Variants in NAV1 observed in about 807,000 individuals in gnomAD.
The protein encoded by NAV1 is pore membrane and/or filament interacting like protein 3.
In NAV1, 18 loss-of-function variants were observed where a neutral mutation model predicts 175.2. The ratio of observed to expected loss-of-function variants is 0.10; its 90% confidence interval spans 0.07 to 0.15. The LOEUF (loss-of-function observed/expected upper bound fraction) is 0.15, where lower values mean the gene tolerates loss of function less well. Among genes scored for constraint, NAV1 ranks in the 10% least tolerant of loss-of-function variants. The pLI is 1.00. For missense variants in NAV1, 1,731 were observed against 2,436.6 expected, an observed-to-expected ratio of 0.71 and a Z score of 6.10; for synonymous variants, 897 against 978.7, an observed-to-expected ratio of 0.92 and a Z score of 1.56.
At chr1:201,657,525 C>A (rs1187326378) in intron 1 of NAV1, among the ~76,000 whole-genome samples, 1 of 152,186 alleles carries the variant, frequency 6.6e-6, no homozygotes, top group Non-Finnish European at 1.5e-5. Context: ...TTCTTTGGAA[C>A]AAGACCTGAT....
intron 7 of NAV1, 25 bp from the exon 12 acceptor site, chr1:201,785,282 CTTT>C (rs36061932): frequency 0.04 from 54,542 of 1,357,068 alleles, no homozygotes; most frequent in South Asian, 0.07. Flanking sequence ...CTCTCTCTCT[CTTT>C]TTTTTTTTTT....
chr1:201,615,306 CCAGGCTGGAGT>C (rs1476986334), intron 2 of NAV1, among the ~76,000 whole-genome samples: 2 of 150,646 alleles, frequency 1.3e-5, no homozygotes, highest in Non-Finnish European at 2.9e-5. Flanking sequence ...ACTCTGTCAC[CCAGGCTGGAGT>C]GCAGTAGCGC....
intron 2 of NAV1, among the ~76,000 whole-genome samples, chr1:201,602,657 TTTTTTTTTGG>T (rs1667553238): frequency 8.0e-6 from 1 of 125,104 alleles, no homozygotes; most frequent in Non-Finnish European, 1.8e-5. Context: ...TTTGGTTTTT[TTTTTTTTTGG>T]TTTTTTTTTT....
Position 201,807,034 on chromosome 1 carries a change from CTGTG to C in NAV1, c.3649-907_3649-904del, listed in dbSNP as rs71713615. ...TTGCTGCCATTTCATATCTGTGTCC[CTGTG>C]TGTGTGTGTGTATGTGTGTGTGTGG... On this transcript the variant is annotated intron_variant, in intron 17 of 29. Transcript: ENST00000367296. This position sits in a 1 kb window ranked among gnomAD's most constrained non-coding sequence, Gnocchi z 5.4. Among the ~76,000 whole-genome samples, 8 of 150,754 alleles carry C rather than the reference CTGTG, an allele frequency of 5.3e-5. No homozygotes were observed. Among genetic ancestry groups the C allele is most frequent in the Non-Finnish European group, 7.4e-5 (5 of 67,690 alleles).
At chr1:201,598,040 T>C (rs1237945540) in intron 2 of NAV1, among the ~76,000 whole-genome samples, 1 of 152,224 alleles carries the variant, frequency 6.6e-6, no homozygotes, top group African/African-American at 2.4e-5. Flanking sequence ...CCAGGCATGA[T>C]ACCAGGCGCC....
At chr1:201,575,789 T>A (rs1288105702) in intron 1 of NAV1, among the ~76,000 whole-genome samples, 1 of 152,188 alleles carries the variant, frequency 6.6e-6, no homozygotes, top group Non-Finnish European at 1.5e-5. Flanking sequence ...GGACAAATTA[T>A]GAAGAGAGAG....
At chr1:201,738,904 T>G (rs551750862) in intron 3 of NAV1, among the ~76,000 whole-genome samples, 2 of 152,300 alleles carry the variant, frequency 1.3e-5, no homozygotes, top group Admixed American at 6.5e-5. Context: ...GTTTGCCCAG[T>G]TCACATTGGC....
At chr1:201,735,352 C>T (rs553412280) in intron 3 of NAV1, among the ~76,000 whole-genome samples, 1 of 152,374 alleles carries the variant, frequency 6.6e-6, no homozygotes, top group African/African-American at 2.4e-5. Context: ...TAGATGCTCT[C>T]TAAAGTCCTT....
chr1:201,551,202 T>C (rs1201587173), intron 1 of NAV1, among the ~76,000 whole-genome samples: 4 of 152,300 alleles, frequency 2.6e-5, no homozygotes, highest in Admixed American at 2.6e-4. Flanking sequence ...GGGTCATGTA[T>C]AGCAGAAGGG....
intron 1 of NAV1, among the ~76,000 whole-genome samples, chr1:201,653,635 G>C (rs953945000): frequency 6.6e-6 from 1 of 152,152 alleles, no homozygotes; most frequent in South Asian, 2.1e-4. Context: ...GGGGTGGGTA[G>C]AGAATTCTCC....
At chr1:201,680,783 C>T (rs1670435510) in intron 1 of NAV1, among the ~76,000 whole-genome samples, 1 of 149,912 alleles carries the variant, frequency 6.7e-6, no homozygotes, top group Non-Finnish European at 1.5e-5. Context: ...CAGTGGGGGT[C>T]TGGAGGGTGC....
chr1:201,629,624 C>A, intron 2 of NAV1, 117 bp downstream of exon 4: 1 of 568,824 alleles, frequency 1.8e-6, no homozygotes, highest in Non-Finnish European at 2.7e-6. Context: ...AAGGAGACAT[C>A]AACCTGTGAA....
intron 15 of NAV1, chr1:201,798,664 C>A (rs574808391): frequency 2.2e-5 from 3 of 133,826 alleles, no homozygotes; most frequent in African/African-American, 2.8e-5. Flanking sequence ...CTAGATATTA[C>A]ATGAAAAGAA....
intron 2 of NAV1, among the ~76,000 whole-genome samples, chr1:201,608,586 C>T (rs534241154): frequency 6.6e-6 from 1 of 152,246 alleles, no homozygotes; most frequent in Admixed American, 6.5e-5. Context: ...ACAGAGGAGG[C>T]ACTTTTCCAG....
intron 2 of NAV1, among the ~76,000 whole-genome samples, chr1:201,640,482 G>A (rs1668720429): frequency 6.6e-6 from 1 of 152,212 alleles, no homozygotes; most frequent in South Asian, 2.1e-4. Flanking sequence ...TGGGCTGTGA[G>A]GATACCTTGC....
At chr1:201,822,841 T>C (rs1460008148) in exon 30 of NAV1, 4 of 152,668 alleles carry the variant, frequency 2.6e-5, no homozygotes, top group African/African-American at 9.6e-5. Context: ...ATCACAGTTA[T>C]ATGGCAACTG....
At chr1:201,566,559 A>G (rs1666360677) in intron 1 of NAV1, among the ~76,000 whole-genome samples, 1 of 152,166 alleles carries the variant, frequency 6.6e-6, no homozygotes, top group African/African-American at 2.4e-5. Flanking sequence ...ATCAGAAGTC[A>G]GTACTTTCTC....
chr1:201,572,193 G>A (rs1461606875), intron 1 of NAV1, among the ~76,000 whole-genome samples: 1 of 152,088 alleles, frequency 6.6e-6, no homozygotes. Context: ...GGTCCTCCAG[G>A]CTGAGGCATG....
chr1:201,631,777 T>C (rs181711986), intron 2 of NAV1, among the ~76,000 whole-genome samples: 1 of 152,338 alleles, frequency 6.6e-6, no homozygotes, highest in Admixed American at 6.5e-5. Flanking sequence ...TCCAGCATAG[T>C]TATTTGACAG....
Sources: allele counts gnomAD v4.1 joint callset (sites outside exome capture counted in the v4.1 genomes callset), GRCh38; gene constraint gnomAD v4.1.1; non-coding constraint Gnocchi (gnomAD v3.1); transcripts MANE v1.5; gene names NCBI Gene and HGNC (gene_info 2026-07-23, HGNC 2026-07-21).